CFAP47: variants seen among roughly 807,000 people sequenced by gnomAD.
CFAP47 encodes the protein cilia- and flagella-associated protein 47.
A neutral mutation model predicts 148.1 loss-of-function variants in CFAP47; 29 were observed. The ratio of observed to expected loss-of-function variants is 0.20; its 90% confidence interval spans 0.15 to 0.27. The LOEUF is 0.27. CFAP47 is among the 10% of genes least tolerant of loss of function. The probability of loss-of-function intolerance (pLI) is 1.00; values close to 1 mark genes in which losing one functional copy is unlikely to be tolerated. For synonymous variants in CFAP47, 664 were observed against 577.3 expected (o/e 1.15, Z -2.15); for missense variants, 1,872 against 1,697.5 (o/e 1.10, Z -1.81).
chrX:36,356,104 G>A lies in CFAP47; in HGVS notation c.8851+2423G>A, dbSNP rs782068281. 6.3e-5 allele frequency among the ~76,000 whole-genome samples: 7 copies of A among 111,751 alleles called. No individual in the cohort carries two copies. In the East Asian group the frequency reaches 1.7e-3, roughly 27 times the overall value. On this transcript the variant is annotated intron_variant, in intron 60 of 63. Transcript: ENST00000378653. ...TTGGGAACTTTGAAAGTCATATTTA[G>A]GAGAGCAATCTCTCTCAAAATAGCT...
At chrX:35,940,136 G>T (rs1485793286) in intron 2 of CFAP47, among the ~76,000 whole-genome samples, 1 of 110,928 alleles carries the variant, frequency 9.0e-6, no homozygotes, top group East Asian at 2.9e-4. Context: ...ACTTTTTGAT[G>T]GGGTTGTTTG....
In CFAP47 at chrX:36,055,904, T is replaced by C. The variant is rs564848030; in HGVS notation, c.4217+8841T>C. ...GCAGTTTTGATTTGCATTTCTCTAA[T>C]GACCAGTGATGTTGAGCTTTTTTTT... On this transcript the variant is annotated intron_variant, in intron 26 of 63. Coordinates refer to ENST00000378653, the MANE Select transcript of CFAP47 (RefSeq NM_001304548.2). Among the ~76,000 whole-genome samples the C allele has an allele frequency of 7.1e-5, 8 of 111,942 alleles. No homozygotes were observed. The East Asian group carries it at 2.0e-3, about 28-fold the overall frequency.
rs774094874 is a variant in CFAP47 at position 35,985,390 on chromosome X, C to A, written c.2714-3929C>A. ...GGGTGCACATGGACACTAATGCCAG[C>A]AGGGGAGGAGAGGGGAGATCTGCCT... On this transcript the variant is annotated intron_variant, in intron 15 of 63. Transcript: ENST00000378653. Among the ~76,000 whole-genome samples the A allele has an allele frequency of 2.3e-4, 26 of 110,972 alleles. 1 individual carries two copies. Among genetic ancestry groups the A allele is most frequent in the African/African-American group, 7.2e-4 (22 of 30,486 alleles).
At chrX:36,305,742 A>G (rs954455152) in intron 54 of CFAP47, among the ~76,000 whole-genome samples, 1 of 111,892 alleles carries the variant, frequency 8.9e-6, no homozygotes, top group East Asian at 2.8e-4. Flanking sequence ...TTGAAAGACT[A>G]TATAAAATGC....
intron 62 of CFAP47, among the ~76,000 whole-genome samples, chrX:36,378,180 T>C (rs1490488440): frequency 1.8e-5 from 2 of 112,247 alleles, no homozygotes; most frequent in African/African-American, 6.5e-5. Context: ...TTCTTCTGTA[T>C]TCTACCAAGA....
chrX:35,924,395 A>G (rs1385635278), intron 1 of CFAP47, among the ~76,000 whole-genome samples: 4 of 106,079 alleles, frequency 3.8e-5, no homozygotes, highest in Admixed American at 2.9e-4. Flanking sequence ...ATATGTGTAT[A>G]TATGCACACA....
chrX:36,168,568 C>T (rs934402091), intron 39 of CFAP47, among the ~76,000 whole-genome samples: 9 of 110,666 alleles, frequency 8.1e-5, no homozygotes, highest in Admixed American at 2.9e-4. Flanking sequence ...GCTTATTTTA[C>T]GCTTATTTTT....
Position 35,975,181 on chromosome X carries a change from G to A in CFAP47, c.2289G>A (p.Val763=). 8.4e-7 allele frequency: 1 copy of A among 1,190,369 alleles called. No individual in the cohort carries two copies. Among genetic ancestry groups the A allele is most frequent in the Non-Finnish European group, 1.1e-6 (1 of 881,531 alleles). The change falls in exon 14 of 64, where the codon GTG becomes GTA. Residue 763 remains valine, a synonymous_variant. Coordinates refer to ENST00000378653, the MANE Select transcript of CFAP47 (RefSeq NM_001304548.2). ...TCCTTAACTTTGGTAATATTTGTGT[G>A]AACTCTCCAAATACTCATCTACTTC... The part of the protein sequence containing the change: ...PSVLNFGNIC[V]NSPNTHLLHV...
At chrX:36,224,406 C>T (rs184463197) in intron 45 of CFAP47, among the ~76,000 whole-genome samples, 1 of 111,361 alleles carries the variant, frequency 9.0e-6, no homozygotes, top group Admixed American at 9.6e-5. Flanking sequence ...GTATGTTTCT[C>T]TGCAGTTAGG....
At chrX:36,186,858 A>ATT (rs371900122) in intron 40 of CFAP47, among the ~76,000 whole-genome samples, 3 of 104,366 alleles carry the variant, frequency 2.9e-5, no homozygotes, top group Admixed American at 1.0e-4. Flanking sequence ...GTTCTACAGT[A>ATT]TTTTTTTTTT....
chrX:35,998,923 G>A (rs1035611471), intron 19 of CFAP47, among the ~76,000 whole-genome samples: 28 of 105,061 alleles, frequency 2.7e-4, no homozygotes, highest in Non-Finnish European at 5.0e-4. Flanking sequence ...ATAATTTATA[G>A]GACTTTAATA....
intron 51 of CFAP47, among the ~76,000 whole-genome samples, chrX:36,286,162 G>C (rs1941130419): frequency 9.0e-6 from 1 of 111,035 alleles, no homozygotes; most frequent in African/African-American, 3.3e-5. Context: ...AATAGATTTT[G>C]TCTGATGTGA....
In CFAP47 at chrX:36,118,123, A is replaced by G. The variant is rs925593646; in HGVS notation, c.5320+13432A>G. Among the ~76,000 whole-genome samples the G allele has an allele frequency of 9.8e-5, 11 of 112,021 alleles. No homozygotes were observed. The East Asian group carries it at 1.1e-3, about 11-fold the overall frequency. On this transcript the variant is annotated intron_variant, in intron 33 of 63. Coordinates refer to ENST00000378653, the MANE Select transcript of CFAP47 (RefSeq NM_001304548.2). ...ATGTGTCAGTTTTTATGCCAATACC[A>G]TGCCATTTTGGTTACTATAGCTCTG...
intron 27 of CFAP47, 28 bp from the exon 28 acceptor site, chrX:36,071,797 T>A (rs1937757673): frequency 1.7e-6 from 2 of 1,184,518 alleles, no homozygotes; most frequent in Non-Finnish European, 2.3e-6. Flanking sequence ...CATGTTTTGC[T>A]TACTGTGATC....
chrX:36,007,341 G>A (rs1936993332), intron 21 of CFAP47, among the ~76,000 whole-genome samples: 1 of 112,153 alleles, frequency 8.9e-6, no homozygotes, highest in Non-Finnish European at 1.9e-5. Context: ...AATGACACCT[G>A]CTCCTTTTCA....
Position 36,385,200 on chromosome X carries a change from A to G in CFAP47, c.*194A>G. The stretch of plus-strand genomic sequence containing the variant: ...TTATGAATGTTTTTTGGTTGCGAAC[A>G]TTGGAATTGGTTCACTTTTAAAGTG... On this transcript the variant is annotated 3_prime_UTR_variant, in exon 64 of 64. Transcript: ENST00000378653. 7.9e-6 allele frequency: 3 copies of G among 377,439 alleles called. No homozygotes were observed. Among genetic ancestry groups the G allele is most frequent in the Non-Finnish European group, 1.4e-5 (3 of 217,629 alleles). 31.1% of individuals were successfully genotyped at this position (377,439 alleles called of 1,213,427 possible). A position where few individuals can be genotyped will look rare whatever the true frequency, so the allele number is the denominator to read the frequency against.
chrX:35,924,463 G>A (rs192734826), intron 1 of CFAP47, among the ~76,000 whole-genome samples: 2 of 104,331 alleles, frequency 1.9e-5, no homozygotes, highest in South Asian at 4.1e-4. Context: ...GTATATAGGT[G>A]CACCTATATG....
At chrX:36,234,000 G>T (rs1322384694) in intron 46 of CFAP47, among the ~76,000 whole-genome samples, 1 of 110,573 alleles carries the variant, frequency 9.0e-6, no homozygotes, top group Admixed American at 9.6e-5. Context: ...TAGTCTGATG[G>T]GTTTCCCTTT....
chrX:35,922,632 G>C (rs1485178443), intron 1 of CFAP47, among the ~76,000 whole-genome samples: 2 of 112,685 alleles, frequency 1.8e-5, no homozygotes, highest in Non-Finnish European at 3.7e-5. Flanking sequence ...AATTGCACGA[G>C]GGTTGAGAGT....
Sources: allele counts gnomAD v4.1 joint callset (sites outside exome capture counted in the v4.1 genomes callset), GRCh38; gene constraint gnomAD v4.1.1; transcripts MANE v1.5; gene names NCBI Gene and HGNC (gene_info 2026-07-23, HGNC 2026-07-21).